NUBPL: variants seen among roughly 807,000 people sequenced by gnomAD.
The protein encoded by NUBPL is NUBP iron-sulfur cluster assembly factor, mitochondrial.
In NUBPL, 31 loss-of-function variants were observed where a neutral mutation model predicts 45.7. The ratio of observed to expected loss-of-function variants is 0.68; its 90% CI spans 0.51 to 0.92. The LOEUF (loss-of-function observed/expected upper bound fraction) is 0.92, where lower values mean the gene tolerates loss of function less well. Among genes scored for constraint, NUBPL ranks in the 40% least tolerant of loss-of-function variants. NUBPL has a pLI of 0.00. For missense variants in NUBPL, 401 were observed against 398.7 expected, an observed-to-expected ratio of 1.01 and a Z score of -0.05; for synonymous variants, 144 against 140.9, an observed-to-expected ratio of 1.02 and a Z score of -0.15.
chr14:31,669,500 T>C (rs1349907667), intron 4 of NUBPL, among the ~76,000 whole-genome samples: 1 of 151,974 alleles, frequency 6.6e-6, no homozygotes, highest in East Asian at 1.9e-4. Context: ...TGTGAGTACA[T>C]ATGAAGGTTT....
intron 6 of NUBPL, among the ~76,000 whole-genome samples, chr14:31,748,446 A>AATATTTG (rs1249798858): frequency 2.0e-5 from 3 of 151,970 alleles, no homozygotes; most frequent in Admixed American, 6.6e-5. Context: ...CTTCCCTTAG[A>AATATTTG]CTGAATATTT....
At chr14:31,773,413 G>A (rs986531033) in intron 6 of NUBPL, among the ~76,000 whole-genome samples, 2 of 152,132 alleles carry the variant, frequency 1.3e-5, no homozygotes, top group African/African-American at 4.8e-5. Context: ...TATTGTGGAG[G>A]TATGGATCTG....
At chr14:31,581,306 T>C (rs1595311279) in intron 3 of NUBPL, among the ~76,000 whole-genome samples, 1 of 151,714 alleles carries the variant, frequency 6.6e-6, no homozygotes, top group East Asian at 1.9e-4. Flanking sequence ...TACATTAACG[T>C]TGTGTAACCA....
chr14:31,607,103 G>C (rs776785819), intron 4 of NUBPL, among the ~76,000 whole-genome samples: 5 of 152,028 alleles, frequency 3.3e-5, no homozygotes, highest in Admixed American at 3.3e-4. Context: ...CTAGCTGGCT[G>C]GGCACAGTGG....
chr14:31,680,653 T>C (rs2036810553), intron 6 of NUBPL, among the ~76,000 whole-genome samples: 1 of 152,110 alleles, frequency 6.6e-6, no homozygotes, highest in East Asian at 1.9e-4. Context: ...GGTACCAAAA[T>C]CCATGAAGGC....
intron 4 of NUBPL, among the ~76,000 whole-genome samples, chr14:31,645,705 C>T (rs891121671): frequency 2.7e-5 from 4 of 150,810 alleles, no homozygotes; most frequent in African/African-American, 9.7e-5. Context: ...TGAGAGATTA[C>T]AACCTGGGTC....
intron 4 of NUBPL, among the ~76,000 whole-genome samples, chr14:31,609,560 T>A (rs989268435): frequency 6.6e-6 from 1 of 152,090 alleles, no homozygotes. Context: ...TTTATCTGTA[T>A]AGACATAAGG....
In NUBPL at chr14:31,736,667, G is replaced by A. The variant is rs147474314; in HGVS notation, c.514-51113G>A. On this transcript the variant is annotated intron_variant, in intron 6 of 10. Coordinates refer to ENST00000281081, the MANE Select transcript of NUBPL (RefSeq NM_025152.3). ...TGAATAAGCTGCCATAAACATCCATGTGTATGTTTTATGGGATTCAGATGC... is the reference window on the plus strand; with the variant it reads ...TGAATAAGCTGCCATAAACATCCATATGTATGTTTTATGGGATTCAGATGC... 7.8e-4 allele frequency among the ~76,000 whole-genome samples: 118 copies of A among 152,246 alleles called. 4 individuals are homozygous for A. In the East Asian group the frequency reaches 0.018, roughly 24 times the overall value.
intron 4 of NUBPL, among the ~76,000 whole-genome samples, chr14:31,612,323 A>C (rs1381576248): frequency 1.3e-5 from 2 of 152,278 alleles, no homozygotes; most frequent in Non-Finnish European, 2.9e-5. Flanking sequence ...AGATTTGAAT[A>C]GGCATTTCTC....
rs115892748 is a variant in NUBPL, at chr14:31,759,756, G to A, written c.514-28024G>A. ...AATATTCTCTTGTATCTTGTATGCT[G>A]GCAAGAGCAGCAAGCCATTCTGTTA... On this transcript the variant is annotated intron_variant, in intron 6 of 10. Coordinates refer to ENST00000281081, the MANE Select transcript of NUBPL (RefSeq NM_025152.3). Among the ~76,000 whole-genome samples, 982 of 149,880 alleles carry A rather than the reference G, an allele frequency of 6.6e-3. 12 individuals carry two copies. The highest frequency in any genetic ancestry group is 0.023 in the African/African-American group (919 of 40,660).
chr14:31,709,362 G>A (rs1194733306), intron 6 of NUBPL, among the ~76,000 whole-genome samples: 1 of 152,162 alleles, frequency 6.6e-6, no homozygotes, highest in Non-Finnish European at 1.5e-5. Context: ...ATTCTCCTTA[G>A]TCCTTCTAGA....
rs2040699595 is a variant in NUBPL, at chr14:31,860,707, C to T, written c.*1527C>T. 1 of 152,090 alleles carries T rather than the reference C, an allele frequency of 6.6e-6. No homozygotes were observed. Among genetic ancestry groups the T allele is most frequent in the Non-Finnish European group, 1.5e-5 (1 of 68,024 alleles). The allele number at this position is 152,090 out of a possible 1,614,324, so 9.4% of individuals were successfully genotyped here. A position where few individuals can be genotyped will look rare whatever the true frequency, so the allele number is the denominator to read the frequency against. ...AAAACATGTACATTGATGTTTATTG[C>T]AATTTTATGTGTAATAACCAAAAAC... On this transcript the variant is annotated 3_prime_UTR_variant, in exon 11 of 11. Transcript: ENST00000281081.
chr14:31,603,902 A>T (rs138529860), intron 4 of NUBPL, among the ~76,000 whole-genome samples: 1 of 152,196 alleles, frequency 6.6e-6, no homozygotes, highest in South Asian at 2.1e-4. Flanking sequence ...ATGAATTTGC[A>T]TACTTTAAAT....
intron 7 of NUBPL, among the ~76,000 whole-genome samples, chr14:31,821,167 G>T (rs1361069525): frequency 1.3e-5 from 2 of 151,818 alleles, no homozygotes; most frequent in African/African-American, 2.4e-5. Flanking sequence ...AAAAATCTGG[G>T]CTATCAAAGC....
rs1434184185 is a variant in NUBPL, at chr14:31,599,269, T to A, written c.292-20T>A. ...AAAGTGTTTTTGTTTTGTTTTATAT[T>A]TTTATTTATTTTTTTACAGTCCAAG... is the stretch of plus-strand genomic sequence containing the variant. On this transcript the variant is annotated intron_variant, in intron 3 of 10. Transcript: ENST00000281081. The A allele has an allele frequency of 6.4e-7, 1 of 1,566,192 alleles. No homozygotes were observed. Among genetic ancestry groups the A allele is most frequent in the South Asian group, 1.1e-5 (1 of 89,766 alleles).
At chr14:31,694,110 C>T in intron 6 of NUBPL, among the ~76,000 whole-genome samples, 1 of 152,090 alleles carries the variant, frequency 6.6e-6, no homozygotes, top group East Asian at 1.9e-4. Flanking sequence ...CCACCTCGGC[C>T]TCCCAGAGTG....
chr14:31,748,058 A>G (rs370192280), intron 6 of NUBPL, among the ~76,000 whole-genome samples: 1 of 152,094 alleles, frequency 6.6e-6, no homozygotes, highest in African/African-American at 2.4e-5. Context: ...TCGTTGACCC[A>G]TTGGTCATTC....
intron 4 of NUBPL, among the ~76,000 whole-genome samples, chr14:31,671,117 C>T (rs1347663931): frequency 6.6e-6 from 1 of 152,060 alleles, no homozygotes; most frequent in Non-Finnish European, 1.5e-5. Flanking sequence ...TGGGATGTTT[C>T]TCCATTTATT....
intron 4 of NUBPL, among the ~76,000 whole-genome samples, chr14:31,619,637 T>G (rs910408263): frequency 6.6e-6 from 1 of 152,236 alleles, no homozygotes; most frequent in Non-Finnish European, 1.5e-5. Flanking sequence ...CTTGTAGGGT[T>G]TCTGCTGAGA....
Sources: allele counts gnomAD v4.1 joint callset (sites outside exome capture counted in the v4.1 genomes callset), GRCh38; gene constraint gnomAD v4.1.1; transcripts MANE v1.5; gene names NCBI Gene and HGNC (gene_info 2026-07-23, HGNC 2026-07-21).